The following PARP8 variants were observed in gnomAD, a reference collection of about 807,000 sequenced individuals.
The protein encoded by PARP8 is poly(ADP-ribose) polymerase family member 8, also known as protein mono-ADP-ribosyltransferase PARP8.
Under a neutral mutation model 124.1 loss-of-function variants are expected in PARP8, and 51 were observed. That is an observed-to-expected ratio of 0.41 (90% CI 0.33 to 0.52). The LOEUF is 0.52. PARP8 is among the 20% of genes least tolerant of loss of function. PARP8 has a pLI of 0.21. For missense variants in PARP8, 860 were observed against 1,018.9 expected, an observed-to-expected ratio of 0.84 and a Z score of 2.12; for synonymous variants, 391 against 361.5, an observed-to-expected ratio of 1.08 and a Z score of -0.93.
At chr5:50,733,010 A>G (rs1372566441) in intron 2 of PARP8, among the ~76,000 whole-genome samples, 1 of 151,106 alleles carries the variant, frequency 6.6e-6, no homozygotes, top group Non-Finnish European at 1.5e-5. Context: ...GACATTAAAA[A>G]TGGGTGAAAG....
At chr5:50,702,237 TA>T (rs1190911233) in intron 2 of PARP8, among the ~76,000 whole-genome samples, 2 of 151,996 alleles carry the variant, frequency 1.3e-5, no homozygotes, top group Non-Finnish European at 2.9e-5. Flanking sequence ...AAGTTTTTTT[TA>T]AAAAAGATAA....
chr5:50,794,168 C>G, intron 10 of PARP8, 39 bp from the exon 11 acceptor site: 1 of 1,577,688 alleles, frequency 6.3e-7, no homozygotes, highest in South Asian at 1.2e-5. Flanking sequence ...TTGAAATTGC[C>G]TTGGAATGGT....
intron 2 of PARP8, among the ~76,000 whole-genome samples, chr5:50,680,053 G>A (rs1452397428): frequency 2.0e-5 from 3 of 152,102 alleles, no homozygotes; most frequent in Non-Finnish European, 2.9e-5. Context: ...ACTGCCTCAC[G>A]ATTTATATGT....
At chr5:50,789,256 AAAAG>A (rs1290429185) in intron 10 of PARP8, among the ~76,000 whole-genome samples, 4 of 152,058 alleles carry the variant, frequency 2.6e-5, no homozygotes, top group African/African-American at 7.3e-5. Context: ...AAAAAACAGA[AAAAG>A]AAAACACTGA....
intron 2 of PARP8, among the ~76,000 whole-genome samples, chr5:50,676,912 A>T (rs942757890): frequency 6.6e-6 from 1 of 152,158 alleles, no homozygotes; most frequent in African/African-American, 2.4e-5. Flanking sequence ...GTAACAGATG[A>T]TTGGAGAGAT....
chr5:50,825,114 G>GAGTCCTTAGA lies in PARP8; in HGVS notation c.1928+139_1928+140insAGTCCTTAGA, dbSNP rs1746200551. On this transcript the variant is annotated intron_variant, in intron 18 of 25. Transcript: ENST00000281631. ...ATAGTTCTACAAGCTTATGAGACCT[G>GAGTCCTTAGA]GTGATTTTACAACCTTAGAGTCCTT... 5.8e-6 allele frequency: 4 copies of GAGTCCTTAGA among 692,774 alleles called. No homozygotes were observed. The African/African-American group carries it at 7.3e-5, about 13-fold the overall frequency. 42.9% of individuals were successfully genotyped at this position (692,774 alleles called of 1,614,324 possible).
In PARP8 at chr5:50,788,418, G is replaced by C. The variant is rs1020871669; in HGVS notation, c.671-105G>C. 4 of 907,044 alleles carry C rather than the reference G, an allele frequency of 4.4e-6. No individual in the cohort carries two copies. The African/African-American group carries it at 5.0e-5, about 11-fold the overall frequency. The allele number at this position is 907,044 out of a possible 1,614,324, so 56.2% of individuals were successfully genotyped here. The stretch of plus-strand genomic sequence containing the variant: ...CTGCATGTACACTGTTTTTAAATGT[G>C]TATATGTATATGCACATATATAATG... On this transcript the variant is annotated intron_variant, in intron 9 of 25. Coordinates refer to ENST00000281631, the MANE Select transcript of PARP8 (RefSeq NM_024615.4).
chr5:50,753,311 A>T (rs1319912415), intron 3 of PARP8, among the ~76,000 whole-genome samples: 2 of 152,040 alleles, frequency 1.3e-5, no homozygotes, highest in African/African-American at 4.8e-5. Context: ...TACTTTCTGG[A>T]TCCTCTGGCA....
chr5:50,828,971 T>G (rs1352065441), intron 21 of PARP8, among the ~76,000 whole-genome samples: 2 of 152,128 alleles, frequency 1.3e-5, no homozygotes, highest in Non-Finnish European at 2.9e-5. Flanking sequence ...ACTTTTTACT[T>G]AAGTAGAAAA....
At chr5:50,750,288 G>A (rs1048154071) in intron 3 of PARP8, 100 bp downstream of exon 3, 2 of 992,970 alleles carry the variant, frequency 2.0e-6, no homozygotes, top group African/African-American at 1.6e-5. Context: ...ATTGAGGGGT[G>A]AAACACTGGT....
intron 10 of PARP8, among the ~76,000 whole-genome samples, chr5:50,791,695 A>C (rs761488811): frequency 9.9e-5 from 12 of 121,756 alleles, no homozygotes; most frequent in Non-Finnish European, 1.8e-4. Context: ...CGACTTTTGT[A>C]TGACTTTATG....
intron 7 of PARP8, among the ~76,000 whole-genome samples, chr5:50,767,510 C>T (rs1761172393): frequency 6.6e-6 from 1 of 152,226 alleles, no homozygotes; most frequent in East Asian, 1.9e-4. Flanking sequence ...ACACTAACCA[C>T]TACTCCCAAC....
intron 15 of PARP8, among the ~76,000 whole-genome samples, chr5:50,818,469 A>G (rs1745368613): frequency 6.6e-6 from 1 of 152,134 alleles, no homozygotes; most frequent in African/African-American, 2.4e-5. Flanking sequence ...ATCTCAAGGG[A>G]TCCTCCCGCC....
Position 50,795,375 on chromosome 5 carries a change from T to G in PARP8, c.1386T>G (p.Ile462Met), listed in dbSNP as rs1283013881. The change falls in exon 12 of 26, where the codon ATT (isoleucine) becomes ATG (methionine). Residue 462 changes from isoleucine to methionine, a missense_variant. Ile to Met is a conservative substitution (Grantham distance 10, BLOSUM62 1). This residue lies in a region of PARP8 where 517 missense variants were observed against 544.2 expected (regional missense o/e 0.95). Coordinates refer to ENST00000281631, the MANE Select transcript of PARP8 (RefSeq NM_024615.4). Reference protein sequence around the residue: ...GRRLSLTSGLIGILTPSSSSS... With the variant: ...GRRLSLTSGLMGILTPSSSSS... ...GGCTCTCTCTTACCTCAGGGCTTAT[T>G]GGTATCCTAACACCATCTTCATCTT... 3.1e-6 allele frequency: 5 copies of G among 1,612,466 alleles called. No individual in the cohort carries two copies. Among genetic ancestry groups the G allele is most frequent in the Middle Eastern group, 1.7e-4 (1 of 6,040 alleles).
chr5:50,743,933 G>A (rs185937912), intron 2 of PARP8, among the ~76,000 whole-genome samples: 19 of 152,120 alleles, frequency 1.2e-4, no homozygotes, highest in Non-Finnish European at 2.4e-4. Flanking sequence ...AAGATACGAG[G>A]ATGTAGTTTA....
At chr5:50,780,439 T>C (rs1740542416) in intron 9 of PARP8, among the ~76,000 whole-genome samples, 1 of 152,208 alleles carries the variant, frequency 6.6e-6, no homozygotes. Flanking sequence ...CTGTATAAGA[T>C]GATACTGAAG....
intron 9 of PARP8, among the ~76,000 whole-genome samples, chr5:50,780,021 GAA>G (rs1470171417): frequency 6.6e-6 from 1 of 152,076 alleles, no homozygotes; most frequent in Admixed American, 6.5e-5. Flanking sequence ...TATGTAATAA[GAA>G]AAGGAATTTC....
At chr5:50,784,378 A>G (rs1209545933) in intron 9 of PARP8, among the ~76,000 whole-genome samples, 1 of 152,164 alleles carries the variant, frequency 6.6e-6, no homozygotes, top group Non-Finnish European at 1.5e-5. Flanking sequence ...ATATGATATA[A>G]TTTGTCTCTT....
intron 14 of PARP8, among the ~76,000 whole-genome samples, chr5:50,803,870 T>C (rs1743513178): frequency 6.6e-6 from 1 of 152,188 alleles, no homozygotes; most frequent in Non-Finnish European, 1.5e-5. Flanking sequence ...ATGCCTTTTT[T>C]ATTTTTTTAT....
Sources: allele counts gnomAD v4.1 joint callset (sites outside exome capture counted in the v4.1 genomes callset), GRCh38; gene constraint gnomAD v4.1.1; regional missense constraint gnomAD v4.1.1; transcripts MANE v1.5; gene names NCBI Gene and HGNC (gene_info 2026-07-23, HGNC 2026-07-21).